The following ZNF14 variants were observed in gnomAD, a reference collection of about 807,000 sequenced individuals.
ZNF14 encodes gonadotropin inducible transcription repressor-4.
In ZNF14, 9 loss-of-function variants were observed where a neutral mutation model predicts 11.3. That is an observed-to-expected ratio of 0.80 (90% CI 0.48 to 1.39). The LOEUF is 1.39. ZNF14 is among the 40% of genes most tolerant of loss of function. ZNF14 has a pLI of 0.00. For synonymous variants in ZNF14, 239 were observed against 245.7 expected (o/e 0.97, Z 0.25); for missense variants, 711 against 763.9 (o/e 0.93, Z 0.82).
At position 19,723,909 on chromosome 19, in the gene ZNF14, T is replaced by C. The variant is rs2062400013; in HGVS notation, c.3+9047A>G. On this transcript the variant is annotated intron_variant, in intron 1 of 3. Transcript: ENST00000344099. ...ATTCTCTGATGGTAGTTTGTATTTC[T>C]GTGGGATCAGTGGTGATATCCCCTT... Among the ~76,000 whole-genome samples the C allele has an allele frequency of 1.5e-5, 2 of 134,416 alleles. 1 individual carries two copies. Among genetic ancestry groups the C allele is most frequent in the Admixed American group, 1.5e-4 (2 of 13,750 alleles). 88.2% of individuals were successfully genotyped at this position (134,416 alleles called of 152,430 possible).
rs2062355677 is a variant in ZNF14 at position 19,710,548 on chromosome 19, T to A, written c.*804A>T. On this transcript the variant is annotated 3_prime_UTR_variant, in exon 4 of 4. Coordinates refer to ENST00000344099, the MANE Select transcript of ZNF14 (RefSeq NM_021030.3). Reference sequence around the variant, plus strand: ...ATTAAATATAACCTGACAATCTTTATTAAATGAAAATATTTTTGTATCATC... The same window carrying A: ...ATTAAATATAACCTGACAATCTTTAATAAATGAAAATATTTTTGTATCATC... 6.6e-6 allele frequency: 1 copy of A among 152,196 alleles called. No homozygotes were observed. Among genetic ancestry groups the A allele is most frequent in the Admixed American group, 6.6e-5 (1 of 15,264 alleles). The allele number at this position is 152,196 out of a possible 1,614,324, so 9.4% of individuals were successfully genotyped here.
At chr19:19,714,526 A>G in intron 1 of ZNF14, 39 bp from the exon 2 acceptor site, 2 of 1,587,482 alleles carry the variant, frequency 1.3e-6, no homozygotes, top group Non-Finnish European at 1.7e-6. Context: ...GATGGGTAAG[A>G]CTGGCAGTAC....
At position 19,712,677 on chromosome 19, in the gene ZNF14, A is replaced by G; in HGVS notation, c.604T>C (p.Cys202Arg). 6.2e-7 allele frequency: 1 copy of G among 1,613,810 alleles called. No homozygotes were observed. ...AGQKPYECKQ[C>R]GKTFIYYQSF... ...TGGTAATATATAAAGGTTTTTCCAC[A>G]TTGCTTACATTCATAGGGTTTCTGT... Residue 202 changes from cysteine to arginine, a missense_variant, in exon 4 of 4, where the codon TGT becomes CGT. Transcript: ENST00000344099.
At position 19,713,748 on chromosome 19, in the gene ZNF14, C is replaced by CTTTTTTTTTT. The variant is rs71172526; in HGVS notation, c.191+333_191+342dup. Among the ~76,000 whole-genome samples, 87 of 120,192 alleles carry CTTTTTTTTTT rather than the reference C, an allele frequency of 7.2e-4. 7 individuals are homozygous for CTTTTTTTTTT. Among genetic ancestry groups the CTTTTTTTTTT allele is most frequent in the East Asian group, 1.2e-3 (5 of 4,102 alleles). 78.9% of individuals were successfully genotyped at this position (120,192 alleles called of 152,430 possible). On this transcript the variant is annotated intron_variant, in intron 3 of 3. Transcript: ENST00000344099. ...ACAGGCATGAGCCACTGTGCCAGGC[C>CTTTTTTTTTT]TTTTTTTTTTTTTTTCCCCAGATGA... is the stretch of plus-strand genomic sequence containing the variant.
intron 3 of ZNF14, 79 bp from the exon 4 acceptor site, chr19:19,713,168 A>T (rs1272090027): frequency 1.5e-6 from 2 of 1,354,686 alleles, no homozygotes; most frequent in Non-Finnish European, 2.0e-6. Flanking sequence ...ATTACATTTT[A>T]ACCATTTTCA....
At chr19:19,731,044 G>A (rs951373105) in intron 1 of ZNF14, among the ~76,000 whole-genome samples, 1 of 152,176 alleles carries the variant, frequency 6.6e-6, no homozygotes, top group Non-Finnish European at 1.5e-5. Context: ...TCAAGGTCAC[G>A]TATATTAAGC....
chr19:19,732,012 C>T lies in ZNF14; in HGVS notation c.3+944G>A, dbSNP rs547501545. ...CCTGGGAGGCGGAGCTTGCAGTGAG[C>T]TGGAGATCGCGCCACTGCACTCCAT... On this transcript the variant is annotated intron_variant, in intron 1 of 3. Coordinates refer to ENST00000344099, the MANE Select transcript of ZNF14 (RefSeq NM_021030.3). Among the ~76,000 whole-genome samples, 11 of 152,130 alleles carry T rather than the reference C, an allele frequency of 7.2e-5. 1 individual carries two copies. The South Asian group carries it at 2.3e-3, about 32-fold the overall frequency.
chr19:19,712,376 CTA>C lies in ZNF14; in HGVS notation c.903_904del (p.His301GlnfsTer7). The stretch of plus-strand genomic sequence containing the variant: ...TTTACATTCATAGGGTTTCTCTCCA[CTA>C]TGAGTCCTTTTATGCCTTCGAAAAG... On this transcript the variant is annotated frameshift_variant, in exon 4 of 4. Transcript: ENST00000344099. LOFTEE classifies it low-confidence loss of function (END_TRUNC). 2 of 1,611,302 alleles carry C rather than the reference CTA, an allele frequency of 1.2e-6. No individual in the cohort carries two copies. Among genetic ancestry groups the C allele is most frequent in the Non-Finnish European group, 1.7e-6 (2 of 1,179,308 alleles).
chr19:19,711,263 T>C lies in ZNF14; in HGVS notation c.*89A>G, dbSNP rs935149821. 1.0e-5 allele frequency: 14 copies of C among 1,406,202 alleles called. No homozygotes were observed. The Admixed American group carries it at 1.5e-4, about 15-fold the overall frequency. 87.1% of individuals were successfully genotyped at this position (1,406,202 alleles called of 1,614,324 possible). ...ATTAAGGGCTTTAGAACAATGTTTGTATTCACACAGCTTCTGTCCAGTATG... is the reference window on the plus strand; with the variant it reads ...ATTAAGGGCTTTAGAACAATGTTTGCATTCACACAGCTTCTGTCCAGTATG... On this transcript the variant is annotated 3_prime_UTR_variant, in exon 4 of 4. Transcript: ENST00000344099.
In ZNF14 at chr19:19,711,605, T is replaced by TA; in HGVS notation, c.1675dup (p.Tyr559LeufsTer4). 6.2e-7 allele frequency: 1 copy of TA among 1,614,184 alleles called. No individual in the cohort carries two copies. Among genetic ancestry groups the TA allele is most frequent in the Non-Finnish European group, 8.5e-7 (1 of 1,180,022 alleles). On this transcript the variant is annotated frameshift_variant, in exon 4 of 4. Coordinates refer to ENST00000344099, the MANE Select transcript of ZNF14 (RefSeq NM_021030.3). LOFTEE classifies it low-confidence loss of function (END_TRUNC). ...GGCTTTTCCACATTGTTTACATTGA[T>TA]ACGGTTTCTCTCCAGTGTGAGTCCT...
chr19:19,728,525 A>AAC (rs1555762580), intron 1 of ZNF14, among the ~76,000 whole-genome samples: 1 of 129,458 alleles, frequency 7.7e-6, no homozygotes, highest in Non-Finnish European at 1.7e-5. Flanking sequence ...CAAAAAAAAA[A>AAC]AAAAAAAAAA....
chr19:19,720,965 T>C lies in ZNF14; in HGVS notation c.4-6478A>G, dbSNP rs773068699. Among the ~76,000 whole-genome samples, 3 of 152,136 alleles carry C rather than the reference T, an allele frequency of 2.0e-5. No individual in the cohort carries two copies. The highest frequency in any genetic ancestry group is 6.5e-5 in the Admixed American group (1 of 15,278). Reference sequence around the variant, plus strand: ...CTCCTACTCTTACTTTATTTATTTATTGATTTTTTTGAGACAGAGTCTTGC... The same window carrying C: ...CTCCTACTCTTACTTTATTTATTTACTGATTTTTTTGAGACAGAGTCTTGC... On this transcript the variant is annotated intron_variant, in intron 1 of 3. Coordinates refer to ENST00000344099, the MANE Select transcript of ZNF14 (RefSeq NM_021030.3). This position sits in a 1 kb window ranked among gnomAD's most constrained non-coding sequence, Gnocchi z 4.1.
At position 19,712,054 on chromosome 19, in the gene ZNF14, G is replaced by A. The variant is rs184185593; in HGVS notation, c.1227C>T (p.His409=). The change falls in exon 4 of 4, where the codon CAC becomes CAT. Residue 409 remains histidine (H), a synonymous_variant. Coordinates refer to ENST00000344099, the MANE Select transcript of ZNF14 (RefSeq NM_021030.3). The part of the protein sequence containing the change: ...TFSFSSSLRE[H]ETTHTGEKPY... Reference sequence around the variant, plus strand: ...GTTTCTCTCCAGTGTGAGTTGTTTCGTGTTCTCGAAGGGAACTTGAAAAAC... The same window carrying A: ...GTTTCTCTCCAGTGTGAGTTGTTTCATGTTCTCGAAGGGAACTTGAAAAAC... 380 of 1,610,254 alleles carry A rather than the reference G, an allele frequency of 2.4e-4. 2 individuals are homozygous for A. The East Asian group carries it at 6.1e-3, about 26-fold the overall frequency.
chr19:19,712,421 G>C lies in ZNF14; in HGVS notation c.860C>G (p.Ala287Gly), dbSNP rs1193786003. The change falls in exon 4 of 4, where the codon GCC (alanine) becomes GGC (glycine). Residue 287 changes from alanine (A) to glycine (G), a missense_variant. By Grantham distance (60) the Ala-to-Gly change is moderately conservative. Transcript: ENST00000344099. The stretch of plus-strand genomic sequence containing the variant: ...TCGAAAAGAACTGAGAAAACTGAAG[G>C]CTTTACCACATTCTTTACATTTGTA... ...KPYKCKECGK[A>G]FSFLSSFRRH... 6 of 1,610,862 alleles carry C rather than the reference G, an allele frequency of 3.7e-6. No homozygotes were observed. The highest frequency in any genetic ancestry group is 1.3e-5 in the African/African-American group (1 of 74,528).
rs191856233 is a variant in ZNF14 at position 19,715,545 on chromosome 19, G to A, written c.4-1058C>T. Among the ~76,000 whole-genome samples the A allele has an allele frequency of 2.5e-3, 375 of 152,284 alleles. 1 individual carries two copies. Among genetic ancestry groups the A allele is most frequent in the Non-Finnish European group, 4.4e-3 (301 of 68,038 alleles). On this transcript the variant is annotated intron_variant, in intron 1 of 3. Coordinates refer to ENST00000344099, the MANE Select transcript of ZNF14 (RefSeq NM_021030.3). ...GCAGGGGGAAGTGTATTACAGAAGCGAGAAACAAAGACAGTTATTCAATTA... is the reference window on the plus strand; with the variant it reads ...GCAGGGGGAAGTGTATTACAGAAGCAAGAAACAAAGACAGTTATTCAATTA...
rs756874583 is a variant in ZNF14 at position 19,732,981 on chromosome 19, G to A, written c.-23C>T. The A allele has an allele frequency of 2.5e-6, 4 of 1,613,338 alleles. No homozygotes were observed. The highest frequency in any genetic ancestry group is 3.4e-6 in the Non-Finnish European group (4 of 1,179,576). On this transcript the variant is annotated 5_prime_UTR_variant, in exon 1 of 4. Transcript: ENST00000344099. The stretch of plus-strand genomic sequence containing the variant: ...CATTTCCCAGCGTCCGGGAAGTCAC[G>A]GTGTCCTCCCTACGGATCTGTCAGT...
intron 1 of ZNF14, among the ~76,000 whole-genome samples, chr19:19,729,993 G>A (rs997984641): frequency 2.0e-5 from 3 of 152,048 alleles, no homozygotes; most frequent in African/African-American, 4.8e-5. Context: ...ATTCACATTC[G>A]TGGCAAGCTT....
At chr19:19,713,698 C>T (rs1166169526) in intron 3 of ZNF14, among the ~76,000 whole-genome samples, 1 of 150,006 alleles carries the variant, frequency 6.7e-6, no homozygotes, top group African/African-American at 2.5e-5. Context: ...ATCTGCCTGC[C>T]TTGGCCTCCC....
Position 19,714,144 on chromosome 19 carries a change from CT to C in ZNF14, c.137del (p.Lys46SerfsTer77), listed in dbSNP as rs1413490754. 2 of 1,612,844 alleles carry C rather than the reference CT, an allele frequency of 1.2e-6. No individual in the cohort carries two copies. The highest frequency in any genetic ancestry group is 2.2e-5 in the South Asian group (2 of 90,584). Reference sequence around the variant, plus strand: ...CATCTTCAATGTCCTGGTCTTCCCACTTTTTTCCTAAAATGCATACCCAGAA... The same window carrying C: ...CATCTTCAATGTCCTGGTCTTCCCACTTTTTCCTAAAATGCATACCCAGAA... ...TFKNLVCLGKKWEDQDIEDDH... is the reference protein window; with the variant it reads ...TFKNLVCLGKXWEDQDIEDDH... On this transcript the variant is annotated frameshift_variant, in exon 3 of 4. Coordinates refer to ENST00000344099, the MANE Select transcript of ZNF14 (RefSeq NM_021030.3). LOFTEE classifies it high-confidence loss of function.
Sources: allele counts gnomAD v4.1 joint callset (sites outside exome capture counted in the v4.1 genomes callset), GRCh38; gene constraint gnomAD v4.1.1; non-coding constraint Gnocchi (gnomAD v3.1); transcripts MANE v1.5; gene names NCBI Gene and HGNC (gene_info 2026-07-23, HGNC 2026-07-21).